Variants in TAB2 observed in about 807,000 individuals in gnomAD.
TAB2 encodes the protein TGF-beta activated kinase 1 (MAP3K7) binding protein 2.
TAB2 carries 3 observed loss-of-function variants against 65.0 expected under a neutral mutation model. The ratio of observed to expected loss-of-function variants is 0.05; its 90% CI spans 0.02 to 0.12. The LOEUF (loss-of-function observed/expected upper bound fraction) is 0.12. Ranked by LOEUF, TAB2 falls within the 10% of genes least tolerant of loss-of-function variation. TAB2 has a pLI of 1.00. For synonymous variants in TAB2, 298 were observed against 285.1 expected (o/e 1.05, Z -0.46); for missense variants, 623 against 840.3 (o/e 0.74, Z 3.20).
chr6:149,368,191 G>A (rs1212201987), intron 1 of TAB2, among the ~76,000 whole-genome samples: 1 of 152,110 alleles, frequency 6.6e-6, no homozygotes, highest in African/African-American at 2.4e-5. Context: ...AAAGCCAGAA[G>A]AGTATAAACC....
At chr6:149,372,882 T>C (rs1433947283) in intron 2 of TAB2, among the ~76,000 whole-genome samples, 6 of 152,206 alleles carry the variant, frequency 3.9e-5, no homozygotes, top group Non-Finnish European at 1.5e-5. Context: ...GGGGCTGCTC[T>C]TCCTTTCTCA....
chr6:149,369,795 A>G, intron 1 of TAB2, 114 bp from the exon 2 acceptor site: 2 of 605,284 alleles, frequency 3.3e-6, no homozygotes, highest in Non-Finnish European at 5.8e-6. Flanking sequence ...ATATTTTTAT[A>G]GTTTATAATG....
chr6:149,354,205 A>G (rs1050659319), intron 1 of TAB2, among the ~76,000 whole-genome samples: 2 of 152,188 alleles, frequency 1.3e-5, no homozygotes, highest in Non-Finnish European at 2.9e-5. Flanking sequence ...GTACATCTGT[A>G]TGCCTTCTTA....
chr6:149,402,669 C>T (rs1021465023), intron 6 of TAB2, among the ~76,000 whole-genome samples: 3 of 152,140 alleles, frequency 2.0e-5, no homozygotes, highest in Admixed American at 6.5e-5. Flanking sequence ...GACAAAGACA[C>T]TACAACTAAA....
At chr6:149,407,415 TG>T (rs1280384505) in intron 6 of TAB2, among the ~76,000 whole-genome samples, 1 of 152,212 alleles carries the variant, frequency 6.6e-6, no homozygotes, top group Non-Finnish European at 1.5e-5. Flanking sequence ...TCTTGACAGT[TG>T]TTGAAGTGGG....
upstream of TAB2, among the ~76,000 whole-genome samples, chr6:149,317,053 C>G (rs1779272843): frequency 6.7e-6 from 1 of 150,360 alleles, no homozygotes; most frequent in African/African-American, 2.4e-5. The surrounding 1 kb of genome is among the most constrained non-coding windows in gnomAD (Gnocchi z 4.7). Context: ...CGGCCGGGCC[C>G]CCGGACCCCA....
intron 1 of TAB2, among the ~76,000 whole-genome samples, chr6:149,256,147 AAAG>A (rs1778028515): frequency 6.6e-6 from 1 of 152,230 alleles, no homozygotes; most frequent in Non-Finnish European, 1.5e-5. Flanking sequence ...AATTTTAAAA[AAAG>A]GAAGTGAAAA....
At chr6:149,316,340 G>A (rs1472115522), upstream of TAB2, among the ~76,000 whole-genome samples, 2 of 152,338 alleles carry the variant, frequency 1.3e-5, no homozygotes, top group East Asian at 3.9e-4. Context: ...GAGGAAAAAG[G>A]AAGTGGGGAG....
At chr6:149,388,075 A>G (rs1166175921) in intron 3 of TAB2, among the ~76,000 whole-genome samples, 5 of 152,214 alleles carry the variant, frequency 3.3e-5, no homozygotes, top group African/African-American at 1.2e-4. Context: ...ATTTTGATAG[A>G]TGTATCATTT....
chr6:149,263,024 C>G (rs369183836), intron 1 of TAB2, among the ~76,000 whole-genome samples: 1 of 152,028 alleles, frequency 6.6e-6, no homozygotes, highest in African/African-American at 2.4e-5. Context: ...AGGCCAGTCT[C>G]GAACTCCTGG....
chr6:149,399,602 G>A (rs955877077), intron 6 of TAB2, among the ~76,000 whole-genome samples: 1 of 151,316 alleles, frequency 6.6e-6, no homozygotes, highest in Non-Finnish European at 1.5e-5. Context: ...AATTCCAGGT[G>A]AATAGTTTTC....
At chr6:149,228,391 CA>C (rs1777329137) in intron 1 of TAB2, among the ~76,000 whole-genome samples, 1 of 152,142 alleles carries the variant, frequency 6.6e-6, no homozygotes, top group Non-Finnish European at 1.5e-5. Flanking sequence ...TCTGGGGAGG[CA>C]GATTGCCCGT....
chr6:149,347,617 A>T (rs1362335370), intron 1 of TAB2, among the ~76,000 whole-genome samples: 1 of 152,160 alleles, frequency 6.6e-6, no homozygotes, highest in Non-Finnish European at 1.5e-5. Context: ...GTAAAGATTG[A>T]TTATAGTTAC....
intron 2 of TAB2, among the ~76,000 whole-genome samples, chr6:149,374,214 T>C (rs2114870187): frequency 6.6e-6 from 1 of 152,276 alleles, no homozygotes; most frequent in African/African-American, 2.4e-5. Context: ...AGAATGAAGA[T>C]GAAATCCATT....
At chr6:149,349,522 G>T (rs1032322716) in intron 1 of TAB2, among the ~76,000 whole-genome samples, 1 of 152,020 alleles carries the variant, frequency 6.6e-6, no homozygotes, top group African/African-American at 2.4e-5. Flanking sequence ...GAGATAGCTG[G>T]TAAGTGTTTC....
chr6:149,367,609 G>A (rs1275078817), intron 1 of TAB2, among the ~76,000 whole-genome samples: 1 of 152,212 alleles, frequency 6.6e-6, no homozygotes, highest in East Asian at 1.9e-4. Context: ...GGGACGGGAA[G>A]AAGTGGTATG....
At chr6:149,325,768 C>T (rs1779597205) in intron 1 of TAB2, among the ~76,000 whole-genome samples, 1 of 152,178 alleles carries the variant, frequency 6.6e-6, no homozygotes, top group South Asian at 2.1e-4. Flanking sequence ...AAGACAGTGT[C>T]TCGCTATGTT....
chr6:149,300,786 TG>T (rs550962406), intron 1 of TAB2, among the ~76,000 whole-genome samples: 1 of 152,050 alleles, frequency 6.6e-6, no homozygotes, highest in African/African-American at 2.4e-5. Flanking sequence ...AGGAGAGCAC[TG>T]GGGGGGTGAA....
Position 149,290,184 on chromosome 6 carries a change from C to T in TAB2, c.-121+71408C>T, listed in dbSNP as rs569286463. On this transcript the variant is annotated intron_variant, in intron 1 of 1. Coordinates refer to the TAB2 transcript ENST00000606202. Reference sequence around the variant, plus strand: ...GGCATGTCCAACTTCCACTTCCCACCATGGCCTGAACTAGTTTTTCAGGTT... The same window carrying T: ...GGCATGTCCAACTTCCACTTCCCACTATGGCCTGAACTAGTTTTTCAGGTT... Among the ~76,000 whole-genome samples, 6 of 152,252 alleles carry T rather than the reference C, an allele frequency of 3.9e-5. 1 individual carries two copies. In the South Asian group the frequency reaches 8.3e-4, roughly 21 times the overall value.
Sources: gnomAD v4.1 joint callset for allele counts (sites outside exome capture counted in the v4.1 genomes callset) on GRCh38, gnomAD v4.1.1 for gene constraint, Gnocchi (gnomAD v3.1) non-coding constraint, MANE v1.5 for transcripts, NCBI Gene and HGNC (gene_info 2026-07-23, HGNC 2026-07-21) for gene names.